LCORL: variants seen among roughly 807,000 people sequenced by gnomAD.
LCORL encodes the protein ligand dependent nuclear receptor corepressor like, also known as ligand-dependent nuclear receptor corepressor-like protein.
In LCORL, 41 loss-of-function variants were observed where a neutral mutation model predicts 141.8. The observed-to-expected ratio is 0.29, with a 90% confidence interval of 0.23 to 0.38. LCORL has a LOEUF of 0.38. Ranked by LOEUF, LCORL falls within the 10% of genes least tolerant of loss-of-function variation. The pLI is 1.00. For missense variants in LCORL, 1,759 were observed against 2,035.0 expected, an observed-to-expected ratio of 0.86 and a Z score of 2.61; for synonymous variants, 618 against 694.1, an observed-to-expected ratio of 0.89 and a Z score of 1.72.
chr4:17,895,916 C>A (rs1420432647), intron 5 of LCORL, among the ~76,000 whole-genome samples: 1 of 152,152 alleles, frequency 6.6e-6, no homozygotes, highest in Non-Finnish European at 1.5e-5. Flanking sequence ...TATGGATGTA[C>A]AATATTTTAC....
At chr4:17,937,210 T>C (rs1428193274) in intron 4 of LCORL, among the ~76,000 whole-genome samples, 3 of 152,166 alleles carry the variant, frequency 2.0e-5, no homozygotes, top group East Asian at 3.8e-4. Context: ...CTGAAAAATT[T>C]TGCCAACATT....
intron 1 of LCORL, among the ~76,000 whole-genome samples, chr4:17,999,152 C>T (rs1308224068): frequency 3.3e-5 from 5 of 151,092 alleles, no homozygotes; most frequent in Admixed American, 2.0e-4. Flanking sequence ...ACTACAAACA[C>T]GTGAGTAATG....
chr4:17,848,448 C>G (rs1448043798), intron 7 of LCORL, among the ~76,000 whole-genome samples: 3 of 152,220 alleles, frequency 2.0e-5, no homozygotes, highest in Admixed American at 6.5e-5. Flanking sequence ...CTCCTGTGCT[C>G]AAGCAATCCT....
chr4:17,942,359 T>C (rs547352074), intron 4 of LCORL, among the ~76,000 whole-genome samples: 2 of 152,026 alleles, frequency 1.3e-5, no homozygotes, highest in South Asian at 4.2e-4. Flanking sequence ...AGCAGAAAGG[T>C]AAACTGAGGA....
exon 7 of LCORL, chr4:17,877,062 C>G: frequency 3.3e-6 from 4 of 1,230,386 alleles, no homozygotes; most frequent in Non-Finnish European, 4.1e-6. Flanking sequence ...GTATTTTTTT[C>G]TTGTAAAATT....
chr4:17,920,661 C>G (rs1007614294), intron 4 of LCORL, among the ~76,000 whole-genome samples: 1 of 152,224 alleles, frequency 6.6e-6, no homozygotes, highest in Non-Finnish European at 1.5e-5. Flanking sequence ...CTCTCAAACC[C>G]TGCCACTCCT....
intron 4 of LCORL, among the ~76,000 whole-genome samples, chr4:17,951,111 C>A (rs987529013): frequency 1.7e-4 from 26 of 152,262 alleles, no homozygotes; most frequent in African/African-American, 5.3e-4. Flanking sequence ...CAGCAATGGG[C>A]GCTAAAGCTC....
chr4:17,976,900 T>C (rs548763930), intron 1 of LCORL, among the ~76,000 whole-genome samples: 7 of 152,306 alleles, frequency 4.6e-5, no homozygotes, highest in East Asian at 3.9e-4. Flanking sequence ...CTTTTTACCA[T>C]TGATTTTCAG....
exon 8 of LCORL, chr4:17,842,354 C>CT (rs1385392467): frequency 6.2e-7 from 1 of 1,612,024 alleles, no homozygotes; most frequent in Admixed American, 1.7e-5. Flanking sequence ...CAGGAGGTGT[C>CT]AGACTGCTGA....
In LCORL at chr4:18,021,516, TA is replaced by T; in HGVS notation, c.154+81del. 7.9e-7 allele frequency: 1 copy of T among 1,266,092 alleles called. No individual in the cohort carries two copies. Among genetic ancestry groups the T allele is most frequent in the Non-Finnish European group, 1.1e-6 (1 of 938,882 alleles). The allele number at this position is 1,266,092 out of a possible 1,614,324, so 78.4% of individuals were successfully genotyped here. A position where few individuals can be genotyped will look rare whatever the true frequency, so the allele number is the denominator to read the frequency against. ...AACTAACCCGAACGGGAGATTCAACTAAACCCCTCAGCCACAAACTCCTCGG... is the reference window on the plus strand; with the variant it reads ...AACTAACCCGAACGGGAGATTCAACTAACCCCTCAGCCACAAACTCCTCGG... On this transcript the variant is annotated intron_variant, in intron 1 of 7. Coordinates refer to ENST00000635767, the Ensembl canonical transcript of LCORL. This position sits in a 1 kb window ranked among gnomAD's most constrained non-coding sequence, Gnocchi z 5.5.
chr4:17,988,101 T>C (rs1407982958), intron 1 of LCORL, among the ~76,000 whole-genome samples: 3 of 152,158 alleles, frequency 2.0e-5, no homozygotes, highest in African/African-American at 7.2e-5. Context: ...TTTGATGCTT[T>C]TAAAAATGGG....
At chr4:17,963,464 A>G (rs1485787546) in intron 2 of LCORL, among the ~76,000 whole-genome samples, 1 of 152,000 alleles carries the variant, frequency 6.6e-6, no homozygotes, top group Non-Finnish European at 1.5e-5. Flanking sequence ...AATAGAAGAA[A>G]GCACTAGAAA....
chr4:17,904,928 C>T (rs1334032105), intron 5 of LCORL, among the ~76,000 whole-genome samples: 1 of 152,132 alleles, frequency 6.6e-6, no homozygotes, highest in African/African-American at 2.4e-5. Context: ...TGGAATGACA[C>T]TGAATCTGTA....
intron 4 of LCORL, among the ~76,000 whole-genome samples, chr4:17,956,305 G>C (rs961624316): frequency 2.0e-5 from 3 of 152,008 alleles, no homozygotes; most frequent in Non-Finnish European, 4.4e-5. Context: ...CCCCACTACT[G>C]GGTATCTACC....
chr4:17,951,068 C>T (rs1739648572), intron 4 of LCORL, among the ~76,000 whole-genome samples: 1 of 152,222 alleles, frequency 6.6e-6, no homozygotes, highest in South Asian at 2.1e-4. Flanking sequence ...TATTTCACTA[C>T]ACCAGTTCAC....
At chr4:17,878,202 T>A (rs2109190888) in exon 7 of LCORL, 1 of 1,229,354 alleles carries the variant, frequency 8.1e-7, no homozygotes, top group Non-Finnish European at 1.0e-6. Flanking sequence ...TGATTTTGCA[T>A]CAACAGTTGA....
At position 17,971,217 on chromosome 4, in the gene LCORL, G is replaced by A. The variant is rs189441385; in HGVS notation, c.220+1603C>T. 7.4e-4 allele frequency among the ~76,000 whole-genome samples: 112 copies of A among 151,938 alleles called. 1 individual carries two copies. The highest frequency in any genetic ancestry group is 1.0e-3 in the Non-Finnish European group (68 of 67,888). ...TAATCCATATTTCAAATATAACCAC[G>A]ACAAACATTTTGGTGTCTTTTCTTT... On this transcript the variant is annotated intron_variant, in intron 2 of 7. Coordinates refer to ENST00000635767, the Ensembl canonical transcript of LCORL.
chr4:17,932,319 T>A (rs1175631185), intron 4 of LCORL, among the ~76,000 whole-genome samples: 1 of 152,162 alleles, frequency 6.6e-6, no homozygotes, highest in Non-Finnish European at 1.5e-5. Context: ...TTTTCTCTCT[T>A]CCTGTGGTCC....
intron 4 of LCORL, among the ~76,000 whole-genome samples, chr4:17,927,449 G>A (rs1010049176): frequency 3.9e-5 from 6 of 152,144 alleles, no homozygotes; most frequent in African/African-American, 1.4e-4. Context: ...CATACACAAG[G>A]TGATGCATTG....
Sources: allele counts gnomAD v4.1 joint callset (sites outside exome capture counted in the v4.1 genomes callset), GRCh38; gene constraint gnomAD v4.1.1; non-coding constraint Gnocchi (gnomAD v3.1); transcripts MANE v1.5; gene names NCBI Gene and HGNC (gene_info 2026-07-23, HGNC 2026-07-21).